Variants in EFCAB11 observed in about 807,000 individuals in gnomAD.
The protein encoded by EFCAB11 is EF-hand calcium-binding domain-containing protein 11.
Under a neutral mutation model 23.0 loss-of-function variants are expected in EFCAB11, and 14 were observed. The observed-to-expected ratio is 0.61, with a 90% CI of 0.40 to 0.95. The LOEUF (loss-of-function observed/expected upper bound fraction) is 0.95, where lower values mean the gene tolerates loss of function less well. Ranked by LOEUF, EFCAB11 falls within the 40% of genes least tolerant of loss-of-function variation. EFCAB11 has a pLI of 0.00. For synonymous variants in EFCAB11, 65 were observed against 66.6 expected, an observed-to-expected ratio of 0.98 and a Z score of 0.11; for missense variants, 198 against 195.8, an observed-to-expected ratio of 1.01 and a Z score of -0.07.
chr14:89,942,183 T>C (rs778811965), intron 3 of EFCAB11, among the ~76,000 whole-genome samples: 5 of 152,206 alleles, frequency 3.3e-5, no homozygotes, highest in African/African-American at 9.7e-5. Flanking sequence ...TAAACCTCTT[T>C]ATAAATTACT....
chr14:89,802,990 G>A (rs1008142861), intron 5 of EFCAB11, among the ~76,000 whole-genome samples: 1 of 152,184 alleles, frequency 6.6e-6, no homozygotes, highest in African/African-American at 2.4e-5. Flanking sequence ...ATAGCAGAGA[G>A]GGGGCTGTCC....
chr14:89,830,599 C>T (rs150584233), intron 5 of EFCAB11: 1 of 152,214 alleles, frequency 6.6e-6, no homozygotes. Flanking sequence ...ATAAAACGAG[C>T]CTTTCCTTCA....
At chr14:89,893,951 A>G (rs1377480105) in intron 5 of EFCAB11, among the ~76,000 whole-genome samples, 3 of 152,136 alleles carry the variant, frequency 2.0e-5, no homozygotes, top group African/African-American at 7.2e-5. Flanking sequence ...CAGAAAAAGC[A>G]TATAGTGAAA....
chr14:89,872,556 G>A (rs1888312973), intron 5 of EFCAB11, among the ~76,000 whole-genome samples: 1 of 152,200 alleles, frequency 6.6e-6, no homozygotes, highest in South Asian at 2.1e-4. Context: ...TGGAGGTATG[G>A]AAACAAAGTG....
At chr14:89,934,430 T>G (rs1054326553) in intron 3 of EFCAB11, among the ~76,000 whole-genome samples, 3 of 152,110 alleles carry the variant, frequency 2.0e-5, no homozygotes, top group African/African-American at 7.2e-5. Flanking sequence ...GAAGAGCTAC[T>G]TAAAGAGAGG....
At chr14:89,844,440 T>C (rs1887368524) in intron 5 of EFCAB11, among the ~76,000 whole-genome samples, 1 of 152,224 alleles carries the variant, frequency 6.6e-6, no homozygotes, top group Non-Finnish European at 1.5e-5. Flanking sequence ...CAAATGTCAA[T>C]GGTGCCTTAA....
At chr14:89,873,816 T>C (rs906121480) in intron 5 of EFCAB11, among the ~76,000 whole-genome samples, 16 of 152,348 alleles carry the variant, frequency 1.1e-4, no homozygotes, top group Middle Eastern at 3.4e-3. Flanking sequence ...TCTGCCCCTG[T>C]GGCTTTGCAG....
chr14:89,915,113 C>T (rs921025237), intron 5 of EFCAB11, among the ~76,000 whole-genome samples: 2 of 152,168 alleles, frequency 1.3e-5, no homozygotes, highest in African/African-American at 4.8e-5. Context: ...AGGAACATCA[C>T]TCTTCTTCTC....
chr14:89,869,442 A>T (rs762122988), intron 5 of EFCAB11, among the ~76,000 whole-genome samples: 3 of 152,226 alleles, frequency 2.0e-5, no homozygotes, highest in Non-Finnish European at 4.4e-5. Context: ...TCCTTATTAC[A>T]TAATGTCTGA....
intron 5 of EFCAB11, among the ~76,000 whole-genome samples, chr14:89,919,605 A>G (rs920687446): frequency 3.3e-5 from 5 of 152,164 alleles, no homozygotes; most frequent in Non-Finnish European, 7.3e-5. Flanking sequence ...TAAAAACTCC[A>G]TGAGTGGGAG....
chr14:89,901,281 T>C (rs1889330078), intron 5 of EFCAB11, among the ~76,000 whole-genome samples: 1 of 152,184 alleles, frequency 6.6e-6, no homozygotes. Flanking sequence ...TATGTTAACA[T>C]TACATATCAC....
chr14:89,875,879 C>T (rs988332554), intron 5 of EFCAB11, among the ~76,000 whole-genome samples: 8 of 152,048 alleles, frequency 5.3e-5, no homozygotes, highest in African/African-American at 1.7e-4. Flanking sequence ...GGCATGCAGG[C>T]AGAGTGCCAT....
chr14:89,812,497 CTGA>C (rs1886180909), intron 5 of EFCAB11, among the ~76,000 whole-genome samples: 1 of 152,080 alleles, frequency 6.6e-6, no homozygotes, highest in Non-Finnish European at 1.5e-5. Context: ...GCAAGAAGAG[CTGA>C]GAACAAATTT....
intron 5 of EFCAB11, among the ~76,000 whole-genome samples, chr14:89,916,471 C>G (rs866559673): frequency 1.3e-5 from 2 of 152,176 alleles, no homozygotes; most frequent in Non-Finnish European, 2.9e-5. Context: ...AATGTGTACT[C>G]AATTCATATT....
At chr14:89,848,936 T>C (rs1887513704) in intron 5 of EFCAB11, 1 of 152,022 alleles carries the variant, frequency 6.6e-6, no homozygotes, top group Non-Finnish European at 1.5e-5. Flanking sequence ...CAAGAAAAAA[T>C]AAATAAATAA....
chr14:89,922,682 C>T (rs769571223), intron 5 of EFCAB11, among the ~76,000 whole-genome samples: 1 of 152,104 alleles, frequency 6.6e-6, no homozygotes, highest in African/African-American at 2.4e-5. Context: ...GTCATCTATT[C>T]AAGACCTACA....
intron 5 of EFCAB11, among the ~76,000 whole-genome samples, chr14:89,829,273 G>T (rs1886808732): frequency 6.6e-6 from 1 of 152,178 alleles, no homozygotes; most frequent in African/African-American, 2.4e-5. Flanking sequence ...CTCTCATGAG[G>T]AGGTCCTGCT....
chr14:89,834,703 A>T (rs938119419), intron 5 of EFCAB11, among the ~76,000 whole-genome samples: 2 of 152,352 alleles, frequency 1.3e-5, no homozygotes, highest in Admixed American at 6.5e-5. Context: ...AGCAACAAAG[A>T]GGTTCAAGGC....
At chr14:89,941,419 T>C (rs1439732909) in intron 3 of EFCAB11, among the ~76,000 whole-genome samples, 2 of 152,252 alleles carry the variant, frequency 1.3e-5, no homozygotes, top group South Asian at 2.1e-4. Context: ...CCCATGGCAC[T>C]ATTAAAAATC....
Sources: gnomAD v4.1 joint callset for allele counts (sites outside exome capture counted in the v4.1 genomes callset) on GRCh38, gnomAD v4.1.1 for gene constraint, MANE v1.5 for transcripts, NCBI Gene and HGNC (gene_info 2026-07-23, HGNC 2026-07-21) for gene names.